Variants in SRGAP3 observed in about 807,000 individuals in gnomAD.
The protein encoded by SRGAP3 is SLIT-ROBO Rho GTPase activating protein 3.
SRGAP3 carries 39 observed loss-of-function variants against 121.1 expected under a neutral mutation model. The ratio of observed to expected loss-of-function variants is 0.32; its 90% CI spans 0.25 to 0.42. The LOEUF (loss-of-function observed/expected upper bound fraction) is 0.42. Ranked by LOEUF, SRGAP3 falls within the 10% of genes least tolerant of loss-of-function variation. The pLI, the probability that SRGAP3 is intolerant of heterozygous loss-of-function variation, is 1.00. For missense variants in SRGAP3, 1,213 were observed against 1,470.6 expected (o/e 0.82, Z 2.86); for synonymous variants, 601 against 570.0 (o/e 1.05, Z -0.77).
At chr3:9,014,161 G>A (rs1943517673) in intron 15 of SRGAP3, 5 of 429,680 alleles carry the variant, frequency 1.2e-5, no homozygotes, top group Admixed American at 6.9e-5. Context: ...CCCCTGAGAG[G>A]AGGATCCCAC....
chr3:9,359,629 A>T (rs1347096855), intron 1 of SRGAP3, among the ~76,000 whole-genome samples: 1 of 152,178 alleles, frequency 6.6e-6, no homozygotes, highest in Non-Finnish European at 1.5e-5. Context: ...TCTGGAATAG[A>T]TGCCTTACGA....
chr3:9,073,330 A>T (rs899640301), intron 4 of SRGAP3, among the ~76,000 whole-genome samples: 1 of 152,124 alleles, frequency 6.6e-6, no homozygotes, highest in Non-Finnish European at 1.5e-5. Flanking sequence ...TTTTTTGTAG[A>T]GAGAGGGTTT....
intron 3 of SRGAP3, among the ~76,000 whole-genome samples, chr3:9,090,961 G>A (rs1023448524): frequency 6.6e-6 from 1 of 152,040 alleles, no homozygotes; most frequent in East Asian, 1.9e-4. Context: ...TTTAAAGGGC[G>A]TGTGTCTATC....
At chr3:9,136,294 G>A (rs1444176064) in intron 1 of SRGAP3, among the ~76,000 whole-genome samples, 1 of 152,034 alleles carries the variant, frequency 6.6e-6, no homozygotes, top group African/African-American at 2.4e-5. Flanking sequence ...ACGGCCCCGA[G>A]GGTCCGCAGG....
chr3:9,329,429 T>G (rs1278041559), intron 2 of SRGAP3, among the ~76,000 whole-genome samples: 1 of 152,032 alleles, frequency 6.6e-6, no homozygotes, highest in Non-Finnish European at 1.5e-5. Context: ...CATAGCAAAA[T>G]ACGTGTGATA....
chr3:9,146,550 T>A (rs540801825), intron 1 of SRGAP3, among the ~76,000 whole-genome samples: 1 of 152,356 alleles, frequency 6.6e-6, no homozygotes, highest in African/African-American at 2.4e-5. Flanking sequence ...ACCCCTCACC[T>A]GGTGAACTCC....
chr3:9,279,251 G>A (rs547540436), intron 3 of SRGAP3, among the ~76,000 whole-genome samples: 2 of 152,184 alleles, frequency 1.3e-5, no homozygotes, highest in Non-Finnish European at 2.9e-5. Context: ...TCGAAGAGGG[G>A]TGGGATAAGC....
chr3:9,287,929 A>G (rs1475247081), intron 3 of SRGAP3, among the ~76,000 whole-genome samples: 3 of 151,106 alleles, frequency 2.0e-5, no homozygotes, highest in Non-Finnish European at 3.0e-5. Flanking sequence ...GTAGGTGTGA[A>G]TTTTTTTTTA....
At chr3:9,048,014 C>T (rs902115507) in intron 9 of SRGAP3, among the ~76,000 whole-genome samples, 1 of 152,208 alleles carries the variant, frequency 6.6e-6, no homozygotes, top group Admixed American at 6.5e-5. Flanking sequence ...ACCCAAACTG[C>T]AGGGGGTGAT....
chr3:9,182,353 G>C (rs1951441193), intron 1 of SRGAP3, among the ~76,000 whole-genome samples: 1 of 151,996 alleles, frequency 6.6e-6, no homozygotes, highest in African/African-American at 2.4e-5. Context: ...GGGGAAATTT[G>C]GACAGAGGCA....
At chr3:9,337,505 T>C (rs910001384) in intron 1 of SRGAP3, 1 of 152,158 alleles carries the variant, frequency 6.6e-6, no homozygotes, top group Non-Finnish European at 1.5e-5. Context: ...ATGAATAGAT[T>C]AATGCTGTTA....
intron 1 of SRGAP3, among the ~76,000 whole-genome samples, chr3:9,362,163 T>C (rs1381290679): frequency 1.4e-5 from 1 of 71,408 alleles, no homozygotes; most frequent in Admixed American, 1.3e-4. Context: ...GGTTCAACTC[T>C]TTTTTTTTTT....
intron 1 of SRGAP3, among the ~76,000 whole-genome samples, chr3:9,336,434 C>G (rs1955695819): frequency 6.6e-6 from 1 of 152,090 alleles, no homozygotes; most frequent in Admixed American, 6.5e-5. Flanking sequence ...AGGTTGGTCT[C>G]AAACTCCTGG....
intron 4 of SRGAP3, among the ~76,000 whole-genome samples, chr3:9,067,299 C>T (rs1348591304): frequency 6.6e-6 from 1 of 151,858 alleles, no homozygotes; most frequent in Non-Finnish European, 1.5e-5. Flanking sequence ...TTCCTTCATC[C>T]TAAAAATCCC....
chr3:9,198,195 T>A (rs1355286279), intron 1 of SRGAP3, among the ~76,000 whole-genome samples: 1 of 152,248 alleles, frequency 6.6e-6, no homozygotes, highest in African/African-American at 2.4e-5. Flanking sequence ...ACATCTGATT[T>A]ATGTTCAGAT....
In SRGAP3 at chr3:8,981,895, G is replaced by A. The variant is rs866128665; in HGVS notation, c.*3624C>T. 1.8e-5 allele frequency: 4 copies of A among 227,500 alleles called. No homozygotes were observed. Among genetic ancestry groups the A allele is most frequent in the South Asian group, 3.7e-4 (2 of 5,476 alleles). The allele number at this position is 227,500 out of a possible 1,614,324, so 14.1% of individuals were successfully genotyped here. ...ACTCCAAAGTCTAATTCCCAAGCTC[G>A]CAATTCCCTCCGATTGTGCACTCTG... is the stretch of plus-strand genomic sequence containing the variant. On this transcript the variant is annotated 3_prime_UTR_variant, in exon 22 of 22. Transcript: ENST00000383836.
chr3:9,171,848 G>A (rs570605308), intron 1 of SRGAP3, among the ~76,000 whole-genome samples: 4 of 152,068 alleles, frequency 2.6e-5, no homozygotes, highest in Admixed American at 6.5e-5. Context: ...GGTTCTGGGG[G>A]CCGGAAGAGG....
At chr3:9,087,329 T>A (rs1466690071) in intron 3 of SRGAP3, among the ~76,000 whole-genome samples, 2 of 151,448 alleles carry the variant, frequency 1.3e-5, no homozygotes, top group African/African-American at 4.9e-5. Flanking sequence ...ACAGGCTGAA[T>A]CAACACCCAC....
intron 18 of SRGAP3, among the ~76,000 whole-genome samples, chr3:9,008,838 G>A (rs1352640066): frequency 6.6e-6 from 1 of 152,122 alleles, no homozygotes; most frequent in African/African-American, 2.4e-5. Flanking sequence ...CATGACTCAA[G>A]GCAGTCCAAT....
Sources: allele counts gnomAD v4.1 joint callset (sites outside exome capture counted in the v4.1 genomes callset), GRCh38; gene constraint gnomAD v4.1.1; transcripts MANE v1.5; gene names NCBI Gene and HGNC (gene_info 2026-07-23, HGNC 2026-07-21).